Variants in USP3 observed in about 807,000 individuals in gnomAD.
The protein encoded by USP3 is ubiquitin specific peptidase 3, also known as ubiquitin carboxyl-terminal hydrolase 3.
USP3 carries 20 observed loss-of-function variants against 72.3 expected under a neutral mutation model. The observed-to-expected ratio is 0.28, with a 90% CI of 0.19 to 0.40. The LOEUF (loss-of-function observed/expected upper bound fraction) is 0.40, where lower values mean the gene tolerates loss of function less well. Among genes scored for constraint, USP3 ranks in the 10% least tolerant of loss-of-function variants. USP3 has a pLI of 1.00. For missense variants in USP3, 479 were observed against 633.9 expected, an observed-to-expected ratio of 0.76 and a Z score of 2.62; for synonymous variants, 222 against 225.3, an observed-to-expected ratio of 0.99 and a Z score of 0.13.
Position 63,588,161 on chromosome 15 carries a change from TCCAG to T in USP3, c.1097-143_1097-140del. 1.8e-6 allele frequency: 1 copy of T among 569,910 alleles called. No individual in the cohort carries two copies. The highest frequency in any genetic ancestry group is 1.9e-5 in the African/African-American group (1 of 52,638). The allele number at this position is 569,910 out of a possible 1,614,324, so 35.3% of individuals were successfully genotyped here. A position where few individuals can be genotyped will look rare whatever the true frequency, so the allele number is the denominator to read the frequency against. Reference sequence around the variant, plus strand: ...TTCAAAGTAGGTATTATTTTTTGTCTCCAGTTTGCAATTGAGAAAGGTTAACTTT... The same window carrying T: ...TTCAAAGTAGGTATTATTTTTTGTCTTTTGCAATTGAGAAAGGTTAACTTT... On this transcript the variant is annotated intron_variant, in intron 11 of 14. Coordinates refer to ENST00000380324, the MANE Select transcript of USP3 (RefSeq NM_006537.4). This position sits in a 1 kb window ranked among gnomAD's most constrained non-coding sequence, Gnocchi z 4.6.
chr15:63,546,821 G>T (rs2066335916), intron 3 of USP3, among the ~76,000 whole-genome samples: 1 of 152,134 alleles, frequency 6.6e-6, no homozygotes, highest in Non-Finnish European at 1.5e-5. Flanking sequence ...TGTTAGCCAG[G>T]ATGGTCTCAG....
Position 63,564,977 on chromosome 15 carries a change from A to G in USP3, c.761+1969A>G, listed in dbSNP as rs188683589. Among the ~76,000 whole-genome samples the G allele has an allele frequency of 1.6e-3, 241 of 152,336 alleles. 1 individual carries two copies. Among genetic ancestry groups the G allele is most frequent in the Admixed American group, 3.8e-3 (58 of 15,302 alleles). On this transcript the variant is annotated intron_variant, in intron 8 of 14. Coordinates refer to ENST00000380324, the MANE Select transcript of USP3 (RefSeq NM_006537.4). Reference sequence around the variant, plus strand: ...TTTTACAGCTCTTACCCTGTGAGGTATGCAGGTAAGATTCTTATAACATGC... The same window carrying G: ...TTTTACAGCTCTTACCCTGTGAGGTGTGCAGGTAAGATTCTTATAACATGC...
chr15:63,511,564 T>C (rs182804511), intron 1 of USP3, among the ~76,000 whole-genome samples: 232 of 152,286 alleles, frequency 1.5e-3, no homozygotes, highest in African/African-American at 5.1e-3. Context: ...AGATCTAATA[T>C]TTTTATAGGC....
intron 1 of USP3, among the ~76,000 whole-genome samples, chr15:63,507,245 A>AT (rs1252836813): frequency 1.3e-5 from 2 of 152,018 alleles, no homozygotes; most frequent in Non-Finnish European, 2.9e-5. Context: ...CCCTTGCCTT[A>AT]TTTTCTTTGC....
chr15:63,504,918 C>A, intron 1 of USP3, 88 bp downstream of exon 1: 1 of 1,105,380 alleles, frequency 9.0e-7, no homozygotes, highest in Non-Finnish European at 1.1e-6. Context: ...GCGGCCGGCG[C>A]GCGGACTCGG....
chr15:63,507,265 A>G (rs191594292), intron 1 of USP3, among the ~76,000 whole-genome samples: 18 of 152,300 alleles, frequency 1.2e-4, no homozygotes, highest in African/African-American at 2.2e-4. Flanking sequence ...CGAGTTTGCA[A>G]TTATACCACG....
At chr15:63,573,742 C>T (rs567324235) in intron 9 of USP3, among the ~76,000 whole-genome samples, 1 of 152,232 alleles carries the variant, frequency 6.6e-6, no homozygotes, top group Non-Finnish European at 1.5e-5. Context: ...TCATGTTGCC[C>T]TGTGCAGAGT....
intron 1 of USP3, chr15:63,530,532 C>G: frequency 5.4e-6 from 2 of 367,016 alleles, no homozygotes; most frequent in Non-Finnish European, 1.1e-5. Context: ...AAGCTGGTCT[C>G]GAACTCCTGG....
chr15:63,547,934 C>T (rs915565176), intron 3 of USP3, among the ~76,000 whole-genome samples: 1 of 145,280 alleles, frequency 6.9e-6, no homozygotes, highest in Admixed American at 6.9e-5. Flanking sequence ...TGCCTGTAAG[C>T]CCAGCACTTT....
chr15:63,518,214 A>G (rs1443093208), intron 1 of USP3, among the ~76,000 whole-genome samples: 1 of 152,350 alleles, frequency 6.6e-6, no homozygotes, highest in South Asian at 2.1e-4. Flanking sequence ...TCTCTGATAA[A>G]TAGAACAAAA....
chr15:63,586,277 C>G (rs2067059811), intron 11 of USP3, among the ~76,000 whole-genome samples: 2 of 152,148 alleles, frequency 1.3e-5, no homozygotes, highest in Non-Finnish European at 2.9e-5. Context: ...AGCTTTCAGT[C>G]TTTCACCATT....
At chr15:63,534,428 TAAGTTA>T (rs1334354407) in intron 2 of USP3, among the ~76,000 whole-genome samples, 1 of 151,768 alleles carries the variant, frequency 6.6e-6, no homozygotes, top group African/African-American at 2.4e-5. Context: ...CCATCCCATT[TAAGTTA>T]TTTTTCAAAT....
chr15:63,535,453 C>T (rs74018963), intron 2 of USP3, among the ~76,000 whole-genome samples: 7,283 of 152,202 alleles, frequency 0.048, 192 homozygotes, highest in Middle Eastern at 0.099. Flanking sequence ...AGTACTATTA[C>T]GTCCATTTTA....
At chr15:63,531,272 G>T (rs992223471) in intron 1 of USP3, among the ~76,000 whole-genome samples, 3 of 152,192 alleles carry the variant, frequency 2.0e-5, no homozygotes, top group African/African-American at 7.2e-5. Context: ...AGATGGTAAA[G>T]CTGGCTCCAA....
At chr15:63,509,779 GATGTGAA>G (rs2065758923) in intron 1 of USP3, among the ~76,000 whole-genome samples, 1 of 152,126 alleles carries the variant, frequency 6.6e-6, no homozygotes. Flanking sequence ...ATTGCTCATG[GATGTGAA>G]ATGTGTGAAA....
intron 2 of USP3, among the ~76,000 whole-genome samples, chr15:63,535,445 T>C (rs962169737): frequency 6.6e-6 from 1 of 152,226 alleles, no homozygotes; most frequent in African/African-American, 2.4e-5. Context: ...AGACACAAAG[T>C]ACTATTACGT....
intron 1 of USP3, among the ~76,000 whole-genome samples, chr15:63,530,304 T>TTCCG (rs2152657838): frequency 7.1e-6 from 1 of 140,436 alleles, no homozygotes; most frequent in South Asian, 2.7e-4. Flanking sequence ...CCTTCCTTCC[T>TTCCG]TCCTTCATTC....
intron 2 of USP3, among the ~76,000 whole-genome samples, chr15:63,534,992 G>A (rs1595722354): frequency 6.6e-6 from 1 of 152,024 alleles, no homozygotes; most frequent in Non-Finnish European, 1.5e-5. Flanking sequence ...AGTGGAGTGG[G>A]GTGATCTCGG....
chr15:63,580,117 T>C (rs1365889897), intron 11 of USP3, among the ~76,000 whole-genome samples: 1 of 152,176 alleles, frequency 6.6e-6, no homozygotes, highest in Non-Finnish European at 1.5e-5. Flanking sequence ...GTTTAATAAA[T>C]TGCATTATGT....
Sources: gnomAD v4.1 joint callset for allele counts (sites outside exome capture counted in the v4.1 genomes callset) on GRCh38, gnomAD v4.1.1 for gene constraint, Gnocchi (gnomAD v3.1) non-coding constraint, MANE v1.5 for transcripts, NCBI Gene and HGNC (gene_info 2026-07-23, HGNC 2026-07-21) for gene names.